The following MGST1 variants were observed in gnomAD, a reference collection of about 807,000 sequenced individuals.
The protein encoded by MGST1 is microsomal glutathione S-transferase 1, also known as glutathione S-transferase 12.
In MGST1, 5 loss-of-function variants were observed where a neutral mutation model predicts 8.9. That is an observed-to-expected ratio of 0.56 (90% CI 0.29 to 1.19). The LOEUF is 1.19. Among genes scored for constraint, MGST1 ranks in the 50% most tolerant of loss-of-function variants. The probability of loss-of-function intolerance (pLI) is 0.08; values close to 1 mark genes in which losing one functional copy is unlikely to be tolerated. For synonymous variants in MGST1, 54 were observed against 67.8 expected (o/e 0.80, Z 1.00); for missense variants, 182 against 187.4 (o/e 0.97, Z 0.17).
At chr12:16,470,639 T>C (rs982489414) in intron 4 of MGST1, among the ~76,000 whole-genome samples, 1 of 152,188 alleles carries the variant, frequency 6.6e-6, no homozygotes, top group Non-Finnish European at 1.5e-5. Flanking sequence ...AATTTCTAAG[T>C]ACCTAATCTA....
intron 1 of MGST1, among the ~76,000 whole-genome samples, chr12:16,388,032 G>A (rs985795113): frequency 6.6e-6 from 1 of 151,950 alleles, no homozygotes; most frequent in Non-Finnish European, 1.5e-5. Flanking sequence ...TTTTCACAAA[G>A]ATAAAATCAC....
chr12:16,494,185 TAAATA>T (rs942422577), intron 4 of MGST1, among the ~76,000 whole-genome samples: 1 of 152,172 alleles, frequency 6.6e-6, no homozygotes, highest in Non-Finnish European at 1.5e-5. Context: ...TCAAAAAAAT[TAAATA>T]AAACAAAAAC....
At chr12:16,477,998 T>A (rs950756343) in intron 4 of MGST1, among the ~76,000 whole-genome samples, 1 of 152,222 alleles carries the variant, frequency 6.6e-6, no homozygotes, top group Non-Finnish European at 1.5e-5. Flanking sequence ...TGTAGGTATT[T>A]TTGAAAATCA....
intron 4 of MGST1, among the ~76,000 whole-genome samples, chr12:16,569,985 G>A (rs185406818): frequency 8.2e-4 from 125 of 152,128 alleles, no homozygotes; most frequent in African/African-American, 2.8e-3. Context: ...ACAATTATAC[G>A]AGCATAAAAA....
chr12:16,527,102 G>T (rs1039465515), intron 4 of MGST1, among the ~76,000 whole-genome samples: 17 of 151,824 alleles, frequency 1.1e-4, no homozygotes, highest in African/African-American at 3.4e-4. Context: ...TTAGTTAATT[G>T]CCCATCAATA....
intron 4 of MGST1, among the ~76,000 whole-genome samples, chr12:16,464,608 G>A (rs920987258): frequency 4.6e-5 from 7 of 152,184 alleles, no homozygotes; most frequent in Non-Finnish European, 7.3e-5. Context: ...AGTAGTCCCT[G>A]GATTCCTATG....
downstream of MGST1, among the ~76,000 whole-genome samples, chr12:16,441,202 C>G (rs1173886971): frequency 6.6e-6 from 1 of 151,736 alleles, no homozygotes; most frequent in Non-Finnish European, 1.5e-5. Flanking sequence ...GTTTTAGATT[C>G]ATGGCAAAAT....
At chr12:16,496,980 G>T (rs984726597) in intron 4 of MGST1, among the ~76,000 whole-genome samples, 2 of 152,160 alleles carry the variant, frequency 1.3e-5, no homozygotes, top group Admixed American at 1.3e-4. Flanking sequence ...CTAAAGCTTA[G>T]CAGCTATTAA....
At chr12:16,469,211 C>A (rs1261435233) in intron 4 of MGST1, among the ~76,000 whole-genome samples, 2 of 135,486 alleles carry the variant, frequency 1.5e-5, no homozygotes, top group Non-Finnish European at 3.1e-5. Context: ...GGAGACAGAG[C>A]CTCACTCTGT....
intron 4 of MGST1, among the ~76,000 whole-genome samples, chr12:16,455,923 G>A (rs1230077821): frequency 6.6e-6 from 1 of 151,786 alleles, no homozygotes; most frequent in East Asian, 1.9e-4. Flanking sequence ...TTACTTAGGG[G>A]TATGTGTGTA....
At chr12:16,460,999 G>A (rs1365320672) in intron 4 of MGST1, among the ~76,000 whole-genome samples, 2 of 151,978 alleles carry the variant, frequency 1.3e-5, no homozygotes, top group Non-Finnish European at 2.9e-5. Context: ...AGATTCAGAG[G>A]AAGATATAGA....
intron 4 of MGST1, among the ~76,000 whole-genome samples, chr12:16,518,473 A>G (rs758885942): frequency 6.6e-6 from 1 of 152,196 alleles, no homozygotes; most frequent in Non-Finnish European, 1.5e-5. Context: ...AGCTAACACT[A>G]GTCAAAATGA....
At chr12:16,402,393 A>G in intron 1 of MGST1, 1 of 1,604,572 alleles carries the variant, frequency 6.2e-7, no homozygotes, top group Non-Finnish European at 8.5e-7. Context: ...CACCGATAAT[A>G]AGCGTCTTTG....
chr12:16,532,006 T>C (rs1941726627), intron 4 of MGST1, among the ~76,000 whole-genome samples: 1 of 152,146 alleles, frequency 6.6e-6, no homozygotes, highest in African/African-American at 2.4e-5. Flanking sequence ...CCTATGTGTC[T>C]GTCAATGAGT....
In MGST1 at chr12:16,500,985, AGTCCCAGCTACTTG is replaced by A. The variant is rs1488664140; in HGVS notation, n.483-88540_483-88527del. 4.6e-5 allele frequency among the ~76,000 whole-genome samples: 7 copies of A among 151,292 alleles called. No homozygotes were observed. The highest frequency in any genetic ancestry group is 1.5e-4 in the African/African-American group (6 of 41,320). ...GCTGGGTATGGTGGTGTGCACCTGTAGTCCCAGCTACTTGGTAGCCTGAGGCAGAAGAATTGCTT... is the reference window on the plus strand; with the variant it reads ...GCTGGGTATGGTGGTGTGCACCTGTAGTAGCCTGAGGCAGAAGAATTGCTT... On this transcript the variant is annotated intron_variant and non_coding_transcript_variant, in intron 4 of 4. Coordinates refer to the MGST1 transcript ENST00000538857. The surrounding 1 kb of genome is among the most constrained non-coding windows in gnomAD (Gnocchi z 4.3).
intron 4 of MGST1, among the ~76,000 whole-genome samples, chr12:16,579,883 G>A (rs1195862296): frequency 6.6e-6 from 1 of 152,118 alleles, no homozygotes; most frequent in African/African-American, 2.4e-5. Context: ...ATTATCCATT[G>A]TTATTTATAC....
At chr12:16,531,863 G>A (rs1274644928) in intron 4 of MGST1, among the ~76,000 whole-genome samples, 1 of 152,126 alleles carries the variant, frequency 6.6e-6, no homozygotes. Flanking sequence ...AGTATAAAGA[G>A]CAAGTATTAA....
intron 4 of MGST1, among the ~76,000 whole-genome samples, chr12:16,451,508 A>C (rs1031807487): frequency 1.3e-5 from 2 of 151,968 alleles, no homozygotes; most frequent in African/African-American, 2.4e-5. Context: ...GAGGCAATGC[A>C]TTTAGCATTC....
rs115967751 is a variant in MGST1, at chr12:16,349,566, T to G, written c.-23+1856T>G. 8.6e-3 allele frequency among the ~76,000 whole-genome samples: 1,309 copies of G among 152,230 alleles called. 24 individuals carry two copies. The highest frequency in any genetic ancestry group is 0.03 in the African/African-American group (1,252 of 41,512). ...CTACTTTTCTGGGCCTTAATTTCCTTACATACTAAAGGTAGAAAAAAATAT... is the reference window on the plus strand; with the variant it reads ...CTACTTTTCTGGGCCTTAATTTCCTGACATACTAAAGGTAGAAAAAAATAT... On this transcript the variant is annotated intron_variant, in intron 1 of 3. Coordinates refer to ENST00000396210, the MANE Select transcript of MGST1 (RefSeq NM_020300.5).
Sources: gnomAD v4.1 joint callset for allele counts (sites outside exome capture counted in the v4.1 genomes callset) on GRCh38, gnomAD v4.1.1 for gene constraint, Gnocchi (gnomAD v3.1) non-coding constraint, MANE v1.5 for transcripts, NCBI Gene and HGNC (gene_info 2026-07-23, HGNC 2026-07-21) for gene names.